The following DTNB variants were observed in gnomAD, a reference collection of about 807,000 sequenced individuals.
The protein encoded by DTNB is dystrobrevin beta.
DTNB carries 63 observed loss-of-function variants against 90.7 expected under a neutral mutation model. The observed-to-expected ratio is 0.69, with a 90% confidence interval of 0.57 to 0.86. DTNB has a LOEUF of 0.86. Ranked by LOEUF, DTNB falls within the 40% of genes least tolerant of loss-of-function variation. The pLI, the probability that DTNB is intolerant of heterozygous loss-of-function variation, is 0.00. For synonymous variants in DTNB, 277 were observed against 286.7 expected, an observed-to-expected ratio of 0.97 and a Z score of 0.34; for missense variants, 744 against 807.1, an observed-to-expected ratio of 0.92 and a Z score of 0.95.
chr2:25,439,423 GC>G (rs1454813171), intron 12 of DTNB, among the ~76,000 whole-genome samples: 7 of 152,028 alleles, frequency 4.6e-5, no homozygotes, highest in Non-Finnish European at 1.0e-4. Context: ...GATTGCTTAA[GC>G]CTGGGAGGTT....
intron 2 of DTNB, chr2:25,650,021 C>G (rs986474763): frequency 3.0e-6 from 3 of 985,262 alleles, no homozygotes; most frequent in Admixed American, 6.2e-5. Flanking sequence ...GTCATACTTA[C>G]CAAACGTCTC....
intron 9 of DTNB, among the ~76,000 whole-genome samples, chr2:25,527,166 TA>T (rs1480181313): frequency 1.3e-5 from 2 of 152,028 alleles, no homozygotes; most frequent in East Asian, 1.9e-4. Flanking sequence ...ATGCTTCTAC[TA>T]GGGGGAAAAA....
chr2:25,526,084 G>C (rs1009707338), intron 9 of DTNB, among the ~76,000 whole-genome samples: 1 of 152,046 alleles, frequency 6.6e-6, no homozygotes, highest in East Asian at 1.9e-4. Context: ...CAGGGGTATG[G>C]AGCCTGAATG....
At chr2:25,380,666 T>C (rs1227279992) in intron 19 of DTNB, among the ~76,000 whole-genome samples, 1 of 152,118 alleles carries the variant, frequency 6.6e-6, no homozygotes, top group African/African-American at 2.4e-5. Flanking sequence ...GCAGTGCAGG[T>C]GTAAAGACAG....
Position 25,478,429 on chromosome 2 carries a change from T to C in DTNB, c.1079+4367A>G, listed in dbSNP as rs565595159. Among the ~76,000 whole-genome samples the C allele has an allele frequency of 2.0e-5, 3 of 152,334 alleles. No homozygotes were observed. In the East Asian group the frequency reaches 5.8e-4, roughly 29 times the overall value. ...AAATGTGTACGGGAAGGCTTGTGTGTGTGCATGTGTGCACACAGCTATGTG... is the reference window on the plus strand; with the variant it reads ...AAATGTGTACGGGAAGGCTTGTGTGCGTGCATGTGTGCACACAGCTATGTG... On this transcript the variant is annotated intron_variant, in intron 10 of 20. Transcript: ENST00000406818.
intron 18 of DTNB, 123 bp from the exon 19 acceptor site, chr2:25,384,012 C>A: frequency 6.4e-7 from 1 of 1,564,064 alleles, no homozygotes; most frequent in Non-Finnish European, 8.6e-7. Flanking sequence ...TGGCTGCAGG[C>A]CTCTGAGGGT....
intron 8 of DTNB, among the ~76,000 whole-genome samples, chr2:25,561,351 A>G (rs548438841): frequency 1.6e-4 from 25 of 152,356 alleles, no homozygotes; most frequent in African/African-American, 4.1e-4. Flanking sequence ...AGTGAAATAC[A>G]CAGCTATGCT....
Position 25,538,357 on chromosome 2 carries a change from A to G in DTNB, c.877-6760T>C, listed in dbSNP as rs963685534. The stretch of plus-strand genomic sequence containing the variant: ...GAGTTTGAGGTTGCAGTGAACTACA[A>G]TAGTGCCACTGTATTCCAGCCTAGG... On this transcript the variant is annotated intron_variant, in intron 8 of 20. Coordinates refer to ENST00000406818, the MANE Select transcript of DTNB (RefSeq NM_021907.5). Among the ~76,000 whole-genome samples the G allele has an allele frequency of 1.1e-4, 17 of 152,218 alleles. 1 individual carries two copies.
chr2:25,518,398 T>G (rs917831298), intron 9 of DTNB, among the ~76,000 whole-genome samples: 1 of 152,142 alleles, frequency 6.6e-6, no homozygotes, highest in Non-Finnish European at 1.5e-5. Flanking sequence ...GGACTAAAGC[T>G]TGATGGTTCT....
chr2:25,633,573 G>A lies in DTNB; in HGVS notation c.149-5189C>T, dbSNP rs542941520. 2.0e-4 allele frequency among the ~76,000 whole-genome samples: 30 copies of A among 152,026 alleles called. No individual in the cohort carries two copies. The South Asian group carries it at 6.0e-3, about 31-fold the overall frequency. The stretch of plus-strand genomic sequence containing the variant: ...CCAAAGTGCCAAGATTGCAGCCTCT[G>A]CCCGGCCGCCACCCCGTCTGGGAAG... On this transcript the variant is annotated intron_variant, in intron 3 of 20. Coordinates refer to ENST00000406818, the MANE Select transcript of DTNB (RefSeq NM_021907.5).
chr2:25,647,325 T>G (rs2079718937), intron 2 of DTNB, among the ~76,000 whole-genome samples: 1 of 152,184 alleles, frequency 6.6e-6, no homozygotes, highest in Admixed American at 6.5e-5. Context: ...AGCAGAAATA[T>G]TTAACATCTT....
chr2:25,579,498 G>T (rs1411889519), intron 7 of DTNB, among the ~76,000 whole-genome samples: 2 of 152,182 alleles, frequency 1.3e-5, no homozygotes, highest in Non-Finnish European at 2.9e-5. Context: ...GCAAGAGCCT[G>T]GAGAGAGGGA....
chr2:25,407,240 A>C (rs1300488661), intron 16 of DTNB, among the ~76,000 whole-genome samples: 4 of 152,232 alleles, frequency 2.6e-5, no homozygotes, highest in African/African-American at 9.6e-5. Flanking sequence ...TACCCCTGCA[A>C]GAATCGTCAT....
intron 12 of DTNB, among the ~76,000 whole-genome samples, chr2:25,445,996 T>C (rs2058368365): frequency 6.7e-6 from 1 of 149,760 alleles, no homozygotes; most frequent in African/African-American, 2.5e-5. Context: ...AACTAGCTAA[T>C]ACATGCAAAG....
At chr2:25,389,169 A>G (rs1401016276) in intron 16 of DTNB, among the ~76,000 whole-genome samples, 1 of 152,206 alleles carries the variant, frequency 6.6e-6, no homozygotes, top group Non-Finnish European at 1.5e-5. Context: ...TTTTATGTCC[A>G]TTTTATAGAA....
intron 4 of DTNB, among the ~76,000 whole-genome samples, chr2:25,619,239 T>C (rs1208751247): frequency 3.9e-5 from 6 of 152,212 alleles, no homozygotes; most frequent in Non-Finnish European, 8.8e-5. Context: ...CAACCACAAA[T>C]TTCTCACACG....
intron 4 of DTNB, among the ~76,000 whole-genome samples, chr2:25,609,605 A>C (rs1399109931): frequency 1.3e-5 from 2 of 151,144 alleles, no homozygotes; most frequent in African/African-American, 4.9e-5. Context: ...CAAAAAAAAA[A>C]AAAAAACTTG....
At chr2:25,662,245 G>C (rs1559428452) in intron 1 of DTNB, among the ~76,000 whole-genome samples, 1 of 151,194 alleles carries the variant, frequency 6.6e-6, no homozygotes. Flanking sequence ...ACACATACAA[G>C]AATGCTTATG....
At chr2:25,534,086 G>A (rs563913656) in intron 8 of DTNB, among the ~76,000 whole-genome samples, 1 of 152,052 alleles carries the variant, frequency 6.6e-6, no homozygotes, top group African/African-American at 2.4e-5. Context: ...TAGTGGAGAG[G>A]TCAGCAGATA....
Sources: gnomAD v4.1 joint callset for allele counts (sites outside exome capture counted in the v4.1 genomes callset) on GRCh38, gnomAD v4.1.1 for gene constraint, MANE v1.5 for transcripts, NCBI Gene and HGNC (gene_info 2026-07-23, HGNC 2026-07-21) for gene names.